SPAG1: variants seen among roughly 807,000 people sequenced by gnomAD.
SPAG1 encodes the protein sperm-associated antigen 1.
In SPAG1, 69 loss-of-function variants were observed where a neutral mutation model predicts 100.5. That is an observed-to-expected ratio of 0.69 (90% CI 0.57 to 0.84). SPAG1 has a LOEUF of 0.84. Among genes scored for constraint, SPAG1 ranks in the 40% least tolerant of loss-of-function variants. SPAG1 has a pLI of 0.00. For missense variants in SPAG1, 955 were observed against 1,133.1 expected (o/e 0.84, Z 2.26); for synonymous variants, 336 against 411.6 (o/e 0.82, Z 2.22).
intron 11 of SPAG1, 150 bp from the exon 12 acceptor site, chr8:100,213,669 T>G: frequency 1.7e-6 from 1 of 584,174 alleles, no homozygotes; most frequent in East Asian, 3.1e-5. Flanking sequence ...CCTTGGTGGC[T>G]GTTGCGGGTA....
intron 13 of SPAG1, 141 bp downstream of exon 13, chr8:100,220,572 C>T (rs1818226280): frequency 1.4e-6 from 1 of 690,918 alleles, no homozygotes. Flanking sequence ...TATTCCATTA[C>T]ATCAAATGGT....
chr8:100,195,763 A>T (rs1201566271), intron 10 of SPAG1, among the ~76,000 whole-genome samples: 1 of 152,194 alleles, frequency 6.6e-6, no homozygotes, highest in Non-Finnish European at 1.5e-5. Context: ...GTTATTTTAA[A>T]ATTTTATATA....
At chr8:100,199,314 C>A (rs1352898894) in intron 10 of SPAG1, among the ~76,000 whole-genome samples, 1 of 152,206 alleles carries the variant, frequency 6.6e-6, no homozygotes. Context: ...TCTTAATGGG[C>A]ATGTAGTGGT....
At chr8:100,185,129 T>C (rs181186054) in intron 7 of SPAG1, 116 of 178,776 alleles carry the variant, frequency 6.5e-4, no homozygotes, top group Admixed American at 4.6e-3. Context: ...TCAAAAATGC[T>C]TTTCCCATGG....
rs535415710 is a variant in SPAG1 at position 100,197,006 on chromosome 8, A to G, written c.1096+2738A>G. 5.9e-5 allele frequency among the ~76,000 whole-genome samples: 9 copies of G among 152,132 alleles called. No individual in the cohort carries two copies. In the South Asian group the frequency reaches 1.9e-3, roughly 32 times the overall value. On this transcript the variant is annotated intron_variant, in intron 10 of 18. Transcript: ENST00000388798. ...CCTGGGCCAAAGATTCTCCCACCTC[A>G]GGCTCCCGAGTAAATGGGACTATAG... is the stretch of plus-strand genomic sequence containing the variant.
chr8:100,198,464 C>T (rs1385020247), intron 10 of SPAG1, among the ~76,000 whole-genome samples: 11 of 151,890 alleles, frequency 7.2e-5, no homozygotes, highest in African/African-American at 2.2e-4. Flanking sequence ...CAAAACTGGG[C>T]GAAGCATACA....
Position 100,239,880 on chromosome 8 carries a change from G to T in SPAG1, c.2280+476G>T, listed in dbSNP as rs1458853989. Among the ~76,000 whole-genome samples the T allele has an allele frequency of 6.6e-6, 1 of 152,210 alleles. No homozygotes were observed. Among genetic ancestry groups the T allele is most frequent in the Non-Finnish European group, 1.5e-5 (1 of 68,048 alleles). On this transcript the variant is annotated intron_variant, in intron 17 of 18. Coordinates refer to ENST00000388798, the MANE Select transcript of SPAG1 (RefSeq NM_003114.5). The surrounding 1 kb of genome is among the most constrained non-coding windows in gnomAD (Gnocchi z 5.0). ...AGGATCAAACTGCTTTTGTGATTCA[G>T]ATAACTAAAATGTTTTTCTCTGCCT...
intron 12 of SPAG1, among the ~76,000 whole-genome samples, chr8:100,216,931 CTTTTTTTTTTTTT>C (rs141365826): frequency 2.4e-5 from 2 of 84,152 alleles, no homozygotes; most frequent in South Asian, 4.5e-4. Context: ...TCCATGAGTT[CTTTTTTTTTTTTT>C]TTTTTTTTTT....
At chr8:100,180,122 A>G (rs528638275) in intron 4 of SPAG1, among the ~76,000 whole-genome samples, 4 of 152,308 alleles carry the variant, frequency 2.6e-5, no homozygotes, top group Admixed American at 6.5e-5. Flanking sequence ...ACTTGAGCCC[A>G]GGAGTTCGAG....
intron 16 of SPAG1, among the ~76,000 whole-genome samples, chr8:100,236,388 C>T (rs1219303117): frequency 6.6e-6 from 1 of 152,218 alleles, no homozygotes; most frequent in African/African-American, 2.4e-5. Flanking sequence ...AAGCAATCCT[C>T]CCACTTTGGC....
chr8:100,210,994 A>T (rs1172036704), intron 10 of SPAG1, among the ~76,000 whole-genome samples: 1 of 151,848 alleles, frequency 6.6e-6, no homozygotes, highest in African/African-American at 2.4e-5. Context: ...ATGCCCAGCT[A>T]ATTTTTGTAT....
At chr8:100,174,100 C>T (rs190117046) in intron 3 of SPAG1, among the ~76,000 whole-genome samples, 3 of 152,236 alleles carry the variant, frequency 2.0e-5, no homozygotes, top group East Asian at 1.9e-4. Flanking sequence ...GAGTTAGGGG[C>T]GCTGGCTCCC....
chr8:100,231,214 C>T lies in SPAG1; in HGVS notation c.1914C>T (p.Asn638=), dbSNP rs150646410. ...EEGNQCVNDK[N]YKDALSKYSE... Reference sequence around the variant, plus strand: ...GAAATCAATGTGTAAATGACAAAAACTATAAAGACGCCCTCAGTAAATACA... The same window carrying T: ...GAAATCAATGTGTAAATGACAAAAATTATAAAGACGCCCTCAGTAAATACA... The change falls in exon 15 of 19, where the codon AAC becomes AAT. Residue 638 remains asparagine (N), a synonymous_variant. Coordinates refer to ENST00000388798, the MANE Select transcript of SPAG1 (RefSeq NM_003114.5). 1.2e-6 allele frequency: 2 copies of T among 1,607,162 alleles called. No individual in the cohort carries two copies. Among genetic ancestry groups the T allele is most frequent in the African/African-American group, 2.7e-5 (2 of 74,780 alleles).
Position 100,240,554 on chromosome 8 carries a change from A to G in SPAG1, c.2432A>G (p.Gln811Arg). The G allele has an allele frequency of 6.2e-7, 1 of 1,614,154 alleles. No homozygotes were observed. The highest frequency in any genetic ancestry group is 8.5e-7 in the Non-Finnish European group (1 of 1,180,004). Residue 811 changes from glutamine to arginine, a missense_variant, in exon 18 of 19, where the codon CAG becomes CGG. Coordinates refer to ENST00000388798, the MANE Select transcript of SPAG1 (RefSeq NM_003114.5). ...CCTAATAATGCCTATGAATTTGGTC[A>G]GATTATAAATGCTCTCAGTACCAGG... ...AKPNNAYEFG[Q>R]IINALSTRKD...
At chr8:100,176,364 TC>T (rs1340797388) in intron 3 of SPAG1, among the ~76,000 whole-genome samples, 1 of 151,712 alleles carries the variant, frequency 6.6e-6, no homozygotes. Flanking sequence ...TTTTTTTTTT[TC>T]TTTCTTTCTT....
At chr8:100,198,323 A>G (rs1817120711) in intron 10 of SPAG1, among the ~76,000 whole-genome samples, 1 of 152,196 alleles carries the variant, frequency 6.6e-6, no homozygotes, top group African/African-American at 2.4e-5. Context: ...TGAAAATGAA[A>G]AACGTGTATG....
chr8:100,193,386 G>A (rs116738527), intron 9 of SPAG1, among the ~76,000 whole-genome samples: 3,371 of 152,096 alleles, frequency 0.022, 124 homozygotes, highest in African/African-American at 0.077. Flanking sequence ...ATTTGAGCCC[G>A]GGAGGTCAAG....
At position 100,168,069 on chromosome 8, in the gene SPAG1, A is replaced by T. The variant is rs1815643769; in HGVS notation, c.300+2096A>T. On this transcript the variant is annotated intron_variant, in intron 3 of 18. Transcript: ENST00000388798. ...TGTTTACCCACTTACCTTTGATAAG[A>T]CCCGCAGTGGATGCCTAAAACCTAG... Among the ~76,000 whole-genome samples the T allele has an allele frequency of 2.0e-5, 3 of 152,318 alleles. No individual in the cohort carries two copies. The South Asian group carries it at 6.2e-4, about 32-fold the overall frequency.
chr8:100,219,950 A>G (rs865981555), intron 12 of SPAG1, among the ~76,000 whole-genome samples: 1 of 152,236 alleles, frequency 6.6e-6, no homozygotes, highest in Non-Finnish European at 1.5e-5. Context: ...TAATCTGTCA[A>G]CGACAATCTG....
Sources: gnomAD v4.1 joint callset for allele counts (sites outside exome capture counted in the v4.1 genomes callset) on GRCh38, gnomAD v4.1.1 for gene constraint, Gnocchi (gnomAD v3.1) non-coding constraint, MANE v1.5 for transcripts, NCBI Gene and HGNC (gene_info 2026-07-23, HGNC 2026-07-21) for gene names.